KRT7: variants seen among roughly 807,000 people sequenced by gnomAD.
KRT7 encodes the protein keratin 7.
A neutral mutation model predicts 42.8 loss-of-function variants in KRT7; 50 were observed. The ratio of observed to expected loss-of-function variants is 1.17; its 90% CI spans 0.93 to 1.48. KRT7 has a LOEUF of 1.48. Ranked by LOEUF, KRT7 falls within the 40% of genes most tolerant of loss-of-function variation. The probability of loss-of-function intolerance (pLI) is 0.00; values close to 1 mark genes in which losing one functional copy is unlikely to be tolerated. For synonymous variants in KRT7, 268 were observed against 266.3 expected (o/e 1.01, Z -0.06); for missense variants, 588 against 637.6 (o/e 0.92, Z 0.84).
chr12:52,237,910 GA>G (rs1201279610), intron 3 of KRT7, among the ~76,000 whole-genome samples: 2 of 152,226 alleles, frequency 1.3e-5, no homozygotes, highest in South Asian at 2.1e-4. Flanking sequence ...TGGCTGGCCT[GA>G]AATGTTTGCT....
intron 6 of KRT7, chr12:52,244,735 C>T: frequency 1.4e-6 from 1 of 738,560 alleles, no homozygotes; most frequent in South Asian, 6.1e-5. Flanking sequence ...AGAGGGCACT[C>T]TAAGGCCAGG....
downstream of KRT7, chr12:52,254,303 TG>T: frequency 1.0e-6 from 1 of 985,160 alleles, no homozygotes; most frequent in Non-Finnish European, 1.6e-6. Flanking sequence ...GTCGATCTCC[TG>T]GGTCAGGGCC....
chr12:52,238,824 C>A, intron 4 of KRT7, 49 bp downstream of exon 4: 1 of 1,226,236 alleles, frequency 8.2e-7, no homozygotes. Flanking sequence ...CCATTCTAAC[C>A]AGGGAGCCAT....
At chr12:52,251,087 C>G (rs1187863673), downstream of KRT7, among the ~76,000 whole-genome samples, 3 of 152,200 alleles carry the variant, frequency 2.0e-5, no homozygotes, top group African/African-American at 7.2e-5. Context: ...TTAAGTGATT[C>G]TCCTGCCTCA....
rs372592963 is a variant in KRT7, at chr12:52,238,725, G to T, written c.643G>T (p.Val215Leu). The T allele has an allele frequency of 6.2e-7, 1 of 1,614,154 alleles. No homozygotes were observed. The highest frequency in any genetic ancestry group is 1.3e-5 in the African/African-American group (1 of 75,054). ...GAGCAAGGTGGAGCTGGAGGCCAAG[G>T]TGGATGCCCTGAATGATGAGATCAA... is the stretch of plus-strand genomic sequence containing the variant. ...YMSKVELEAK[V>L]DALNDEINFL... is the part of the protein sequence containing the mutation. The change falls in exon 4 of 9, where the codon GTG becomes TTG. Residue 215 changes from valine to leucine, a missense_variant. Transcript: ENST00000331817.
At chr12:52,253,627 C>T (rs747948797), downstream of KRT7, 36 of 1,562,250 alleles carry the variant, frequency 2.3e-5, no homozygotes, top group African/African-American at 1.9e-4. Flanking sequence ...GACTCGGCCT[C>T]GGCCCGGCTG....
In KRT7 at chr12:52,248,661, C is replaced by T. The variant is rs1592398145; in HGVS notation, c.1311C>T (p.Gly437=). The change falls in exon 9 of 9, where the codon GGC becomes GGT. Residue 437 remains glycine (G), a synonymous_variant. Transcript: ENST00000331817. ...GGCTGACCCTCGGGGGAACCATGGG[C>T]AGCAATGCCCTGAGCTTCTCCAGCA... The part of the protein sequence containing the change: ...GIGLTLGGTM[G]SNALSFSSSA... 6.2e-7 allele frequency: 1 copy of T among 1,613,102 alleles called. No individual in the cohort carries two copies.
At chr12:52,234,299 T>A (rs1258377980) in intron 1 of KRT7, among the ~76,000 whole-genome samples, 1 of 152,164 alleles carries the variant, frequency 6.6e-6, no homozygotes, top group East Asian at 1.9e-4. Context: ...TCCTGGCTGT[T>A]GGCCTCCGCC....
At position 52,245,416 on chromosome 12, in the gene KRT7, C is replaced by A. The variant is rs1816013819; in HGVS notation, c.989C>A (p.Ala330Asp). 1 of 1,613,476 alleles carries A rather than the reference C, an allele frequency of 6.2e-7. No individual in the cohort carries two copies. Among genetic ancestry groups the A allele is most frequent in the African/African-American group, 1.3e-5 (1 of 74,932 alleles). The change falls in exon 7 of 9, where the codon GCC becomes GAC. Residue 330 changes from alanine (A) to aspartate (D), a missense_variant. Coordinates refer to ENST00000331817, the MANE Select transcript of KRT7 (RefSeq NM_005556.4). ...CAGCTGCACTGCTGCCCACAGCGTG[C>A]CAAGTTGGAGGCCGCCATTGCCGAG... ...AEIDNIKNQRAKLEAAIAEAE... is the reference protein window; with the variant it reads ...AEIDNIKNQRDKLEAAIAEAE...
At chr12:52,253,293 G>A (rs574550203), downstream of KRT7, 101 of 1,612,658 alleles carry the variant, frequency 6.3e-5, no homozygotes, top group Admixed American at 1.0e-4. Flanking sequence ...TTGGTGCGGC[G>A]CAGGGTCTCC....
At chr12:52,239,501 C>A (rs1035783971) in intron 4 of KRT7, among the ~76,000 whole-genome samples, 12 of 152,114 alleles carry the variant, frequency 7.9e-5, no homozygotes, top group African/African-American at 2.9e-4. Flanking sequence ...CCCTTTATCC[C>A]TTCTGGACTC....
At position 52,248,863 on chromosome 12, in the gene KRT7, A is replaced by T; in HGVS notation, c.*103A>T. 2 of 1,176,212 alleles carry T rather than the reference A, an allele frequency of 1.7e-6. No homozygotes were observed. Among genetic ancestry groups the T allele is most frequent in the Non-Finnish European group, 2.3e-6 (2 of 878,054 alleles). 72.9% of individuals were successfully genotyped at this position (1,176,212 alleles called of 1,614,324 possible). On this transcript the variant is annotated 3_prime_UTR_variant, in exon 9 of 9. Coordinates refer to ENST00000331817, the MANE Select transcript of KRT7 (RefSeq NM_005556.4). The stretch of plus-strand genomic sequence containing the variant: ...GTCCCAAGACAGTGAGACAGTCTGG[A>T]AAGTGATGTCAGAATAGCTTCCAAT...
intron 1 of KRT7, among the ~76,000 whole-genome samples, chr12:52,234,759 G>A: frequency 6.6e-6 from 1 of 152,324 alleles, no homozygotes; most frequent in African/African-American, 2.4e-5. Flanking sequence ...AGGAGAGAAA[G>A]GATATTGAGG....
chr12:52,238,940 G>A (rs560543080), intron 4 of KRT7, among the ~76,000 whole-genome samples, 165 bp downstream of exon 4: 7 of 152,360 alleles, frequency 4.6e-5, no homozygotes, highest in Admixed American at 6.5e-5. Context: ...GGAGAACAGC[G>A]AAAGTGAGAT....
chr12:52,248,037 A>T, intron 7 of KRT7, 140 bp from the exon 8 acceptor site: 1 of 803,272 alleles, frequency 1.2e-6, no homozygotes, highest in Non-Finnish European at 2.1e-6. Flanking sequence ...TCCTTTTACA[A>T]GGCTGAAGGC....
chr12:52,235,302 G>C lies in KRT7; in HGVS notation c.472G>C (p.Asp158His), dbSNP rs1170901377. Reference sequence around the variant, plus strand: ...GGGTCAGCTTGAGGCACTGCAGGTGGATGGGGGCCGCCTGGAGGCGGAGCT... The same window carrying C: ...GGGTCAGCTTGAGGCACTGCAGGTGCATGGGGGCCGCCTGGAGGCGGAGCT... ...LRGQLEALQV[D>H]GGRLEAELRS... Residue 158 changes from aspartate to histidine, a missense_variant, in exon 2 of 9, where the codon GAT becomes CAT. Physicochemically the swap from Asp to His is moderately conservative, Grantham distance 81 (BLOSUM62 -1). Coordinates refer to ENST00000331817, the MANE Select transcript of KRT7 (RefSeq NM_005556.4). 6.2e-7 allele frequency: 1 copy of C among 1,613,952 alleles called. No homozygotes were observed. The highest frequency in any genetic ancestry group is 1.3e-5 in the African/African-American group (1 of 74,952).
At chr12:52,250,459 G>A, downstream of KRT7, 1 of 557,968 alleles carries the variant, frequency 1.8e-6, no homozygotes, top group Non-Finnish European at 3.3e-6. Flanking sequence ...GGTACAAAGT[G>A]GGGCGCTCAG....
chr12:52,252,280 A>G, downstream of KRT7: 1 of 1,613,980 alleles, frequency 6.2e-7, no homozygotes, highest in Non-Finnish European at 8.5e-7. Flanking sequence ...CTCGCCCTCC[A>G]GCAGGCGCCT....
At chr12:52,242,928 G>A in intron 5 of KRT7, 84 bp from the exon 6 acceptor site, 1 of 1,444,688 alleles carries the variant, frequency 6.9e-7, no homozygotes, top group Non-Finnish European at 9.3e-7. Flanking sequence ...TATAAGTTGG[G>A]AGGGGCCTTG....
Sources: gnomAD v4.1 joint callset for allele counts (sites outside exome capture counted in the v4.1 genomes callset) on GRCh38, gnomAD v4.1.1 for gene constraint, MANE v1.5 for transcripts, NCBI Gene and HGNC (gene_info 2026-07-23, HGNC 2026-07-21) for gene names.